COL19A1: variants seen among roughly 807,000 people sequenced by gnomAD.
COL19A1 encodes the protein collagen alpha-1(XIX) chain.
In COL19A1, 159 loss-of-function variants were observed where a neutral mutation model predicts 190.2. The ratio of observed to expected loss-of-function variants is 0.84; its 90% CI spans 0.73 to 0.95. The LOEUF is 0.95. COL19A1 is among the 40% of genes least tolerant of loss of function. COL19A1 has a pLI of 0.00. For missense variants in COL19A1, 1,418 were observed against 1,431.9 expected, an observed-to-expected ratio of 0.99 and a Z score of 0.16; for synonymous variants, 509 against 458.9, an observed-to-expected ratio of 1.11 and a Z score of -1.39.
intron 1 of COL19A1, among the ~76,000 whole-genome samples, chr6:69,870,820 A>T (rs1381881107): frequency 6.6e-6 from 1 of 152,216 alleles, no homozygotes; most frequent in Non-Finnish European, 1.5e-5. Context: ...AATGGTAAAA[A>T]CGTGAACTAA....
At chr6:69,939,651 G>A (rs1220719466) in intron 9 of COL19A1, among the ~76,000 whole-genome samples, 2 of 152,036 alleles carry the variant, frequency 1.3e-5, no homozygotes, top group Non-Finnish European at 2.9e-5. Context: ...ATTTAAAGAT[G>A]CCAGCCTAGT....
At chr6:70,093,777 T>C (rs984327214) in intron 15 of COL19A1, among the ~76,000 whole-genome samples, 3 of 152,196 alleles carry the variant, frequency 2.0e-5, no homozygotes, top group Non-Finnish European at 2.9e-5. Context: ...TTATCATTTA[T>C]TGAACTGTAG....
At position 69,898,980 on chromosome 6, in the gene COL19A1, C is replaced by T. The variant is rs750607808; in HGVS notation, c.124C>T (p.His42Tyr). Residue 42 changes from histidine (H) to tyrosine (Y), a missense_variant, in exon 3 of 51, where the codon CAT becomes TAT. By Grantham distance (83) the His-to-Tyr change is moderately conservative. Transcript: ENST00000620364. ...ESCPILRIEG[H>Y]QLTYDNINKL... is the part of the protein sequence containing the mutation. Reference sequence around the variant, plus strand: ...ATGCCCTATCCTGAGAATAGAGGGACATCAGCTGACATATGACAACATAAA... The same window carrying T: ...ATGCCCTATCCTGAGAATAGAGGGATATCAGCTGACATATGACAACATAAA... The T allele has an allele frequency of 5.3e-5, 86 of 1,611,762 alleles. No homozygotes were observed. The highest frequency in any genetic ancestry group is 3.3e-4 in the Middle Eastern group (2 of 6,070).
intron 48 of COL19A1, among the ~76,000 whole-genome samples, chr6:70,196,450 T>C (rs942994929): frequency 1.2e-4 from 19 of 152,164 alleles, no homozygotes; most frequent in African/African-American, 4.6e-4. Context: ...ACCAAGAAAA[T>C]GGATAATTAG....
intron 11 of COL19A1, among the ~76,000 whole-genome samples, chr6:69,995,936 G>A (rs762509993): frequency 6.6e-6 from 1 of 152,114 alleles, no homozygotes; most frequent in South Asian, 2.1e-4. Context: ...AATTCATTTA[G>A]TTGAAAGAAT....
At chr6:70,128,752 T>G (rs1350634553) in intron 17 of COL19A1, among the ~76,000 whole-genome samples, 2 of 152,222 alleles carry the variant, frequency 1.3e-5, no homozygotes, top group Non-Finnish European at 2.9e-5. Flanking sequence ...GGAGAGTTTT[T>G]AAGTATTGAT....
intron 2 of COL19A1, chr6:69,890,562 G>A (rs1769275943): frequency 6.6e-6 from 1 of 152,068 alleles, no homozygotes; most frequent in Non-Finnish European, 1.5e-5. Flanking sequence ...GTATGACTAA[G>A]TTTACCAGGT....
At chr6:69,962,260 C>T (rs538471019) in intron 10 of COL19A1, among the ~76,000 whole-genome samples, 3 of 152,178 alleles carry the variant, frequency 2.0e-5, no homozygotes, top group African/African-American at 7.2e-5. Flanking sequence ...AGCCAGCAGC[C>T]CTCCAACCAC....
At chr6:70,139,892 G>T (rs1361469777) in intron 19 of COL19A1, among the ~76,000 whole-genome samples, 1 of 151,130 alleles carries the variant, frequency 6.6e-6, no homozygotes, top group Non-Finnish European at 1.5e-5. Context: ...TAAATATCAA[G>T]TATCTAGACA....
intron 11 of COL19A1, among the ~76,000 whole-genome samples, chr6:69,996,360 G>C (rs781527731): frequency 6.6e-6 from 1 of 152,020 alleles, no homozygotes; most frequent in African/African-American, 2.4e-5. Context: ...GCTTTGGCTT[G>C]GCAGTTTTGA....
chr6:70,105,510 C>G (rs1582922798), intron 16 of COL19A1, among the ~76,000 whole-genome samples: 1 of 152,222 alleles, frequency 6.6e-6, no homozygotes, highest in South Asian at 2.1e-4. Flanking sequence ...TTAGGATTTC[C>G]CAGGGAGCTA....
chr6:70,022,130 T>A (rs1034481028), intron 11 of COL19A1, among the ~76,000 whole-genome samples: 21 of 152,116 alleles, frequency 1.4e-4, no homozygotes, highest in Non-Finnish European at 2.8e-4. Context: ...TTTTCTTTAC[T>A]TTTTTGCAAA....
chr6:70,120,262 T>A (rs1335027711), intron 16 of COL19A1, among the ~76,000 whole-genome samples: 1 of 152,204 alleles, frequency 6.6e-6, no homozygotes, highest in Non-Finnish European at 1.5e-5. Context: ...TTCATCACTG[T>A]TCTTTGATCT....
intron 14 of COL19A1, among the ~76,000 whole-genome samples, chr6:70,064,104 A>G (rs1242388928): frequency 8.5e-5 from 13 of 152,088 alleles, no homozygotes; most frequent in African/African-American, 1.4e-4. Context: ...AGAAAAAGAG[A>G]GAATCCTCCC....
At chr6:70,055,311 G>C (rs552636748) in intron 14 of COL19A1, among the ~76,000 whole-genome samples, 148 of 151,832 alleles carry the variant, frequency 9.7e-4, no homozygotes, top group African/African-American at 3.4e-3. Flanking sequence ...ATTTGATACT[G>C]TCTGTCAAAG....
chr6:69,898,067 T>C (rs1253319322), intron 2 of COL19A1, among the ~76,000 whole-genome samples: 2 of 150,498 alleles, frequency 1.3e-5, no homozygotes, highest in Non-Finnish European at 3.0e-5. Context: ...CTCCTCTCTA[T>C]ATTAAAAACT....
chr6:69,986,884 AT>A (rs959663321), intron 11 of COL19A1, among the ~76,000 whole-genome samples: 1 of 152,126 alleles, frequency 6.6e-6, no homozygotes, highest in Admixed American at 6.6e-5. Flanking sequence ...TATTTCTAAG[AT>A]TTTGGATACT....
chr6:70,159,456 G>T (rs905122813), intron 34 of COL19A1, among the ~76,000 whole-genome samples: 4 of 151,688 alleles, frequency 2.6e-5, no homozygotes, highest in African/African-American at 9.7e-5. Flanking sequence ...CTGCCAATGA[G>T]ATTGATAAAA....
intron 29 of COL19A1, 24 bp downstream of exon 29, chr6:70,149,928 T>TC (rs768631368): frequency 1.6e-5 from 26 of 1,613,506 alleles, no homozygotes; most frequent in Non-Finnish European, 2.1e-5. Flanking sequence ...TTATCTACCC[T>TC]CCCCCATTTT....
Sources: gnomAD v4.1 joint callset for allele counts (sites outside exome capture counted in the v4.1 genomes callset) on GRCh38, gnomAD v4.1.1 for gene constraint, MANE v1.5 for transcripts, NCBI Gene and HGNC (gene_info 2026-07-23, HGNC 2026-07-21) for gene names.